Variants in BDNF observed in about 807,000 individuals in gnomAD.
The protein encoded by BDNF is brain derived neurotrophic factor.
BDNF carries 1 observed loss-of-function variant against 19.5 expected under a neutral mutation model. The observed-to-expected ratio is 0.05, with a 90% CI of 0.02 to 0.24. The LOEUF is 0.24. BDNF is among the 10% of genes least tolerant of loss of function. The pLI is 1.00. For missense variants in BDNF, 195 were observed against 317.6 expected, an observed-to-expected ratio of 0.61 and a Z score of 2.93; for synonymous variants, 100 against 121.6, an observed-to-expected ratio of 0.82 and a Z score of 1.17.
At chr11:27,690,558 A>G (rs1189861504) in intron 1 of BDNF, among the ~76,000 whole-genome samples, 1 of 152,188 alleles carries the variant, frequency 6.6e-6, no homozygotes, top group Non-Finnish European at 1.5e-5. Flanking sequence ...GCATATTTAC[A>G]TGATCCTTGA....
At chr11:27,705,187 T>C (rs1166579590), upstream of BDNF, among the ~76,000 whole-genome samples, 2 of 152,244 alleles carry the variant, frequency 1.3e-5, no homozygotes, top group African/African-American at 4.8e-5. Context: ...AAATTTGGTT[T>C]ACTTGTTGTA....
chr11:27,701,415 GA>G, upstream of BDNF: 1 of 1,039,650 alleles, frequency 9.6e-7, no homozygotes, highest in Non-Finnish European at 1.2e-6. Flanking sequence ...TTAAAGGGGG[GA>G]GGGGGCGCGA....
intron 1 of BDNF, among the ~76,000 whole-genome samples, chr11:27,715,578 A>C (rs1860480451): frequency 6.6e-6 from 1 of 152,238 alleles, no homozygotes; most frequent in Non-Finnish European, 1.5e-5. Context: ...GAAATTTTGA[A>C]AACTATTTGT....
chr11:27,700,208 C>A lies in BDNF; in HGVS notation c.-66G>T. 1.0e-6 allele frequency: 1 copy of A among 985,784 alleles called. No individual in the cohort carries two copies. Among genetic ancestry groups the A allele is most frequent in the Non-Finnish European group, 1.2e-6 (1 of 830,252 alleles). The allele number at this position is 985,784 out of a possible 1,614,324, so 61.1% of individuals were successfully genotyped here. On this transcript the variant is annotated 5_prime_UTR_variant, in exon 1 of 2. The change abolishes an upstream ATG in the 5' untranslated region. Coordinates refer to ENST00000356660, the MANE Select transcript of BDNF (RefSeq NM_001709.5). ...TCACGGGTCCCCGGCGGCGGAGTCA[C>A]ATCGTGGTTCCGATTCTGGCTCCAG...
chr11:27,697,544 A>G (rs997713844), intron 1 of BDNF: 7 of 152,180 alleles, frequency 4.6e-5, no homozygotes, highest in Non-Finnish European at 7.3e-5. Context: ...CTCCTTGGCC[A>G]TTAATGAGAT....
chr11:27,658,166 G>A lies in BDNF; in HGVS notation c.399C>T (p.Ala133=). Residue 133 remains alanine, a synonymous_variant, in exon 2 of 2, where the codon GCC becomes GCT. Transcript: ENST00000356660. This position sits in a 1 kb window ranked among gnomAD's most constrained non-coding sequence, Gnocchi z 5.7. ...SMRVRRHSDP[A]RRGELSVCDS... is the part of the protein sequence containing the mutation. Reference sequence around the variant, plus strand: ...CACACACGCTCAGCTCCCCTCGGCGGGCAGGGTCAGAGTGGCGCCGGACCC... The same window carrying A: ...CACACACGCTCAGCTCCCCTCGGCGAGCAGGGTCAGAGTGGCGCCGGACCC... 6.2e-7 allele frequency: 1 copy of A among 1,614,098 alleles called. No homozygotes were observed. The highest frequency in any genetic ancestry group is 8.5e-7 in the Non-Finnish European group (1 of 1,180,034).
intron 1 of BDNF, among the ~76,000 whole-genome samples, chr11:27,673,901 T>TA (rs1382957027): frequency 6.6e-6 from 1 of 152,010 alleles, no homozygotes; most frequent in African/African-American, 2.4e-5. Flanking sequence ...GCATTAAATT[T>TA]AAAAAAACAA....
intron 1 of BDNF, among the ~76,000 whole-genome samples, chr11:27,705,655 A>C (rs906326419): frequency 2.6e-5 from 4 of 152,216 alleles, no homozygotes; most frequent in African/African-American, 9.6e-5. Flanking sequence ...TTCTACCTCC[A>C]GATAGCACAG....
At chr11:27,664,676 G>C (rs563437436) in intron 1 of BDNF, among the ~76,000 whole-genome samples, 1 of 152,310 alleles carries the variant, frequency 6.6e-6, no homozygotes, top group South Asian at 2.1e-4. Context: ...TCAGCTACTT[G>C]GGAGGCTGAG....
At chr11:27,714,661 G>A (rs948956003) in intron 1 of BDNF, among the ~76,000 whole-genome samples, 10 of 151,572 alleles carry the variant, frequency 6.6e-5, no homozygotes, top group East Asian at 3.9e-4. Flanking sequence ...AAAAATTTGC[G>A]GTACCCACCC....
intron 1 of BDNF, chr11:27,719,366 A>T: frequency 1.4e-6 from 1 of 719,050 alleles, no homozygotes; most frequent in Non-Finnish European, 1.7e-6. Context: ...CAGCCGCCGC[A>T]CGGAGCTAAA....
chr11:27,692,709 T>C (rs565555360), intron 1 of BDNF, among the ~76,000 whole-genome samples: 2 of 152,302 alleles, frequency 1.3e-5, no homozygotes, highest in South Asian at 2.1e-4. Context: ...CAATATTTGC[T>C]AAATTAAATT....
In BDNF at chr11:27,656,845, G is replaced by A. The variant is rs1852615842; in HGVS notation, c.*976C>T. On this transcript the variant is annotated 3_prime_UTR_variant, in exon 2 of 2. Transcript: ENST00000356660. ...ATCACTGTTCTCCATGCTTATACGA[G>A]TGTCATGATGTGACACAATGTGTTC... is the stretch of plus-strand genomic sequence containing the variant. The A allele has an allele frequency of 1.0e-6, 1 of 985,034 alleles. No homozygotes were observed. The highest frequency in any genetic ancestry group is 1.1e-4 in the East Asian group (1 of 8,806). The allele number at this position is 985,034 out of a possible 1,614,324, so 61.0% of individuals were successfully genotyped here. A position where few individuals can be genotyped will look rare whatever the true frequency, so the allele number is the denominator to read the frequency against.
chr11:27,664,161 T>C (rs1013618212), intron 1 of BDNF, among the ~76,000 whole-genome samples: 12 of 152,200 alleles, frequency 7.9e-5, no homozygotes, highest in Non-Finnish European at 1.0e-4. Flanking sequence ...ATGGTAATGC[T>C]GAAGAAGTTA....
chr11:27,701,172 TA>T, upstream of BDNF: 2 of 1,207,044 alleles, frequency 1.7e-6, no homozygotes, highest in Non-Finnish European at 2.2e-6. Context: ...CGCCCCCAGA[TA>T]ACGTTACACC....
In BDNF at chr11:27,658,110, T is replaced by C; in HGVS notation, c.455A>G (p.Asp152Gly). The change falls in exon 2 of 2, where the codon GAC becomes GGC. Residue 152 changes from aspartate to glycine, a missense_variant. Asp to Gly is a moderately conservative substitution (Grantham distance 94, BLOSUM62 -1). Transcript: ENST00000356660. The surrounding 1 kb of genome is among the most constrained non-coding windows in gnomAD (Gnocchi z 5.7). ...DSISEWVTAADKKTAVDMSGG... is the reference protein window; with the variant it reads ...DSISEWVTAAGKKTAVDMSGG... ...CGACATGTCCACTGCAGTCTTTTTG[T>C]CTGCCGCCGTTACCCACTCACTAAT... is the stretch of plus-strand genomic sequence containing the variant. The C allele has an allele frequency of 6.2e-7, 1 of 1,614,190 alleles. No individual in the cohort carries two copies. Among genetic ancestry groups the C allele is most frequent in the Non-Finnish European group, 8.5e-7 (1 of 1,180,040 alleles).
intron 1 of BDNF, chr11:27,677,697 G>A (rs1273743008): frequency 3.9e-5 from 6 of 152,180 alleles, no homozygotes; most frequent in Admixed American, 3.3e-4. Flanking sequence ...GGGTATAAGT[G>A]GGGCAAGACT....
chr11:27,707,855 T>G (rs916049642), intron 1 of BDNF, among the ~76,000 whole-genome samples: 2 of 151,972 alleles, frequency 1.3e-5, no homozygotes, highest in African/African-American at 4.8e-5. Flanking sequence ...TGGGGGGTGG[T>G]GTGTGTGGGA....
At chr11:27,708,304 G>C (rs1323161720) in intron 1 of BDNF, among the ~76,000 whole-genome samples, 1 of 152,120 alleles carries the variant, frequency 6.6e-6, no homozygotes, top group Non-Finnish European at 1.5e-5. Flanking sequence ...GATCATGTTA[G>C]AACTACTTTG....
Sources: gnomAD v4.1 joint callset for allele counts (sites outside exome capture counted in the v4.1 genomes callset) on GRCh38, gnomAD v4.1.1 for gene constraint, Gnocchi (gnomAD v3.1) non-coding constraint, MANE v1.5 for transcripts, NCBI Gene and HGNC (gene_info 2026-07-23, HGNC 2026-07-21) for gene names.